MANSC1: variants seen among roughly 807,000 people sequenced by gnomAD.
MANSC1 encodes the protein MANSC domain-containing protein 1.
MANSC1 carries 13 observed loss-of-function variants against 14.1 expected under a neutral mutation model. The ratio of observed to expected loss-of-function variants is 0.92; its 90% CI spans 0.60 to 1.46. The LOEUF (loss-of-function observed/expected upper bound fraction) is 1.46. Ranked by LOEUF, MANSC1 falls within the 40% of genes most tolerant of loss-of-function variation. MANSC1 has a pLI of 0.00. For missense variants in MANSC1, 486 were observed against 511.4 expected, an observed-to-expected ratio of 0.95 and a Z score of 0.48; for synonymous variants, 227 against 200.7, an observed-to-expected ratio of 1.13 and a Z score of -1.11.
chr12:12,339,792 T>G (rs1238421911), intron 2 of MANSC1, among the ~76,000 whole-genome samples: 1 of 152,044 alleles, frequency 6.6e-6, no homozygotes, highest in East Asian at 1.9e-4. Context: ...TACTTTTCAC[T>G]GTTAACTATA....
chr12:12,337,561 G>A (rs998290710), intron 3 of MANSC1, among the ~76,000 whole-genome samples: 22 of 152,046 alleles, frequency 1.4e-4, no homozygotes, highest in Non-Finnish European at 2.4e-4. Context: ...ACTCCATCTC[G>A]GAAAAAGCAA....
Position 12,343,339 on chromosome 12 carries a change from C to A in MANSC1, c.-25G>T. Reference sequence around the variant, plus strand: ...TTTTAAATTTCAGTTTAGTTTTGGTCTTCAAAGGTCAAGGATAATCCTCCC... The same window carrying A: ...TTTTAAATTTCAGTTTAGTTTTGGTATTCAAAGGTCAAGGATAATCCTCCC... On this transcript the variant is annotated 5_prime_UTR_variant, in exon 2 of 4. Coordinates refer to ENST00000535902, the MANE Select transcript of MANSC1 (RefSeq NM_018050.4). 6.4e-7 allele frequency: 1 copy of A among 1,554,282 alleles called. No individual in the cohort carries two copies. Among genetic ancestry groups the A allele is most frequent in the Admixed American group, 1.7e-5 (1 of 59,810 alleles).
At position 12,330,097 on chromosome 12, in the gene MANSC1, G is replaced by T. The variant is rs762274662; in HGVS notation, c.1226C>A (p.Ser409Ter). 6.2e-7 allele frequency: 1 copy of T among 1,613,982 alleles called. No individual in the cohort carries two copies. Among genetic ancestry groups the T allele is most frequent in the Non-Finnish European group, 8.5e-7 (1 of 1,180,036 alleles). The stretch of plus-strand genomic sequence containing the variant: ...GTAACGTTTCCTGCGGAGTGATTCC[G>T]AGAGGATTCTACCCAGGAGGACGAG... Reference protein sequence around the residue: ...IGLVLLGRILSESLRRKRYSR... With the variant: ...IGLVLLGRIL Residue 409 changes from serine (S) to a stop codon, truncating the protein, a stop_gained, in exon 4 of 4, where the codon TCG (serine) becomes TAG (stop). Transcript: ENST00000535902. LOFTEE classifies it high-confidence loss of function.
intron 3 of MANSC1, among the ~76,000 whole-genome samples, chr12:12,336,350 CT>C (rs971671517): frequency 2.3e-4 from 35 of 152,312 alleles, no homozygotes; most frequent in Admixed American, 2.3e-3. Flanking sequence ...TCACATCTGG[CT>C]CCTCACTATT....
At position 12,338,413 on chromosome 12, in the gene MANSC1, T is replaced by C. The variant is rs747788004; in HGVS notation, c.364+7A>G. On this transcript the variant is annotated splice_region_variant and intron_variant, in intron 3 of 3. Coordinates refer to ENST00000535902, the MANE Select transcript of MANSC1 (RefSeq NM_018050.4). ...TCACAAAAGAAAAAGTATAATGCTT[T>C]CATTACCTGTAATTATCCTGTAACT... is the stretch of plus-strand genomic sequence containing the variant. 1.3e-6 allele frequency: 2 copies of C among 1,580,720 alleles called. No individual in the cohort carries two copies. Among genetic ancestry groups the C allele is most frequent in the Admixed American group, 2.0e-5 (1 of 49,624 alleles).
Position 12,328,733 on chromosome 12 carries a change from A to C in MANSC1, c.*1294T>G, listed in dbSNP as rs544621356. 6.6e-6 allele frequency: 1 copy of C among 151,526 alleles called. No homozygotes were observed. Among genetic ancestry groups the C allele is most frequent in the South Asian group, 2.1e-4 (1 of 4,780 alleles). The allele number at this position is 151,526 out of a possible 1,614,324, so 9.4% of individuals were successfully genotyped here. A position where few individuals can be genotyped will look rare whatever the true frequency, so the allele number is the denominator to read the frequency against. On this transcript the variant is annotated 3_prime_UTR_variant, in exon 4 of 4. Coordinates refer to ENST00000535902, the MANE Select transcript of MANSC1 (RefSeq NM_018050.4). ...GCCGGGCACGGTGGCTCACGCCTGT[A>C]ATCCCAGCACTTTGGGAGGCCGAGG...
chr12:12,342,576 GTTT>G (rs869141097), intron 2 of MANSC1, among the ~76,000 whole-genome samples: 14,012 of 104,014 alleles, frequency 0.13, 845 homozygotes, highest in East Asian at 0.15. Flanking sequence ...AGTAGTCAGT[GTTT>G]TTTTGTTTTT....
Position 12,330,309 on chromosome 12 carries a change from A to C in MANSC1, c.1014T>G (p.Pro338=). The change falls in exon 4 of 4, where the codon CCT becomes CCG. Residue 338 remains proline (P), a synonymous_variant. Coordinates refer to ENST00000535902, the MANE Select transcript of MANSC1 (RefSeq NM_018050.4). The part of the protein sequence containing the change: ...LTLNTGNVYN[P]TALSMSNVES... ...CCACATTTGACATAGAAAGTGCAGT[A>C]GGGTTATACACATTCCCTGTGTTCA... 6.2e-7 allele frequency: 1 copy of C among 1,614,230 alleles called. No homozygotes were observed. Among genetic ancestry groups the C allele is most frequent in the African/African-American group, 1.3e-5 (1 of 75,064 alleles).
At chr12:12,334,789 G>A (rs915548264) in intron 3 of MANSC1, among the ~76,000 whole-genome samples, 1 of 152,048 alleles carries the variant, frequency 6.6e-6, no homozygotes, top group South Asian at 2.1e-4. Flanking sequence ...TTCTATCATC[G>A]TATCCTAACA....
chr12:12,347,992 C>G (rs1039407094), intron 1 of MANSC1, among the ~76,000 whole-genome samples: 1 of 151,294 alleles, frequency 6.6e-6, no homozygotes, highest in African/African-American at 2.4e-5. Flanking sequence ...GAACCCGGGA[C>G]GTGGAGGTTG....
chr12:12,338,901 A>T, intron 2 of MANSC1: 1 of 279,026 alleles, frequency 3.6e-6, no homozygotes, highest in African/African-American at 2.3e-5. Flanking sequence ...ACACACACAC[A>T]CACACACACA....
At position 12,330,195 on chromosome 12, in the gene MANSC1, C is replaced by G. The variant is rs750756568; in HGVS notation, c.1128G>C (p.Gln376His). ...SSSQGSVPEN[Q>H]YGLPFEKWLL... ...GCCATTTTTCAAATGGAAGGCCGTA[C>G]TGATTTTCTGGAACACTGCCCTGGG... The change falls in exon 4 of 4, where the codon CAG (glutamine) becomes CAC (histidine). Residue 376 changes from glutamine (Q) to histidine (H), a missense_variant. Coordinates refer to ENST00000535902, the MANE Select transcript of MANSC1 (RefSeq NM_018050.4). The G allele has an allele frequency of 4.3e-6, 7 of 1,614,198 alleles. No homozygotes were observed. The highest frequency in any genetic ancestry group is 5.9e-6 in the Non-Finnish European group (7 of 1,180,042).
intron 1 of MANSC1, among the ~76,000 whole-genome samples, chr12:12,349,828 C>A (rs1404756869): frequency 6.6e-6 from 1 of 152,264 alleles, no homozygotes; most frequent in African/African-American, 2.4e-5. Context: ...TCTTCTGCCT[C>A]TCCTTCTGAT....
chr12:12,329,921 C>T lies in MANSC1; in HGVS notation c.*106G>A, dbSNP rs1321070613. 3.2e-6 allele frequency: 3 copies of T among 934,088 alleles called. No individual in the cohort carries two copies. Among genetic ancestry groups the T allele is most frequent in the Non-Finnish European group, 4.7e-6 (3 of 635,748 alleles). The allele number at this position is 934,088 out of a possible 1,614,324, so 57.9% of individuals were successfully genotyped here. The stretch of plus-strand genomic sequence containing the variant: ...AAAGGAAAGCAGAAGGGGGCATTTT[C>T]CTGTCTTCAAAATACAACCTCCTGC... On this transcript the variant is annotated 3_prime_UTR_variant, in exon 4 of 4. Coordinates refer to ENST00000535902, the MANE Select transcript of MANSC1 (RefSeq NM_018050.4).
chr12:12,331,103 A>G (rs942840806), intron 3 of MANSC1, 145 bp from the exon 4 acceptor site: 12 of 592,398 alleles, frequency 2.0e-5, no homozygotes, highest in Non-Finnish European at 2.9e-5. Flanking sequence ...GCACTTTGGG[A>G]GGCTAAGGCA....
At chr12:12,340,884 T>C (rs940690292) in intron 2 of MANSC1, among the ~76,000 whole-genome samples, 7 of 152,178 alleles carry the variant, frequency 4.6e-5, no homozygotes, top group African/African-American at 1.7e-4. Context: ...CTCTGTCATT[T>C]CCATAAATTA....
intron 3 of MANSC1, among the ~76,000 whole-genome samples, chr12:12,334,136 T>C (rs779658185): frequency 1.3e-5 from 2 of 151,806 alleles, no homozygotes; most frequent in Admixed American, 1.3e-4. Context: ...TTATCTGTAG[T>C]CCCAAATACT....
intron 2 of MANSC1, 181 bp from the exon 3 acceptor site, chr12:12,338,741 A>G (rs1862892754): frequency 1.6e-6 from 1 of 626,908 alleles, no homozygotes; most frequent in South Asian, 2.2e-5. Context: ...GGCAATTTTA[A>G]AAAACATTGG....
At chr12:12,340,544 C>A (rs899443202) in intron 2 of MANSC1, among the ~76,000 whole-genome samples, 1 of 152,168 alleles carries the variant, frequency 6.6e-6, no homozygotes, top group Non-Finnish European at 1.5e-5. Context: ...TTGTGCCCAT[C>A]GTGTTATGTG....
Sources: gnomAD v4.1 joint callset for allele counts (sites outside exome capture counted in the v4.1 genomes callset) on GRCh38, gnomAD v4.1.1 for gene constraint, MANE v1.5 for transcripts, NCBI Gene and HGNC (gene_info 2026-07-23, HGNC 2026-07-21) for gene names.